Variants in SHISA9 observed in about 807,000 individuals in gnomAD.
The protein encoded by SHISA9 is protein shisa-9.
A neutral mutation model predicts 38.0 loss-of-function variants in SHISA9; 13 were observed. The observed-to-expected ratio is 0.34, with a 90% confidence interval of 0.22 to 0.54. The LOEUF is 0.54. SHISA9 is among the 20% of genes least tolerant of loss of function. The pLI, the probability that SHISA9 is intolerant of heterozygous loss-of-function variation, is 0.91. For missense variants in SHISA9, 538 were observed against 575.8 expected (o/e 0.93, Z 0.67); for synonymous variants, 275 against 242.0 (o/e 1.14, Z -1.27).
At chr16:13,415,398 C>T in the SHISA9 span, among the ~76,000 whole-genome samples, 1 of 152,026 alleles carries the variant, frequency 6.6e-6, no homozygotes, top group Non-Finnish European at 1.5e-5. Flanking sequence ...AACACATGGA[C>T]ACATGGAGGG....
chr16:13,403,484 G>A, the SHISA9 span, among the ~76,000 whole-genome samples: 1 of 152,194 alleles, frequency 6.6e-6, no homozygotes, highest in East Asian at 1.9e-4. Context: ...GCTATCCCCT[G>A]CAGAATGCAC....
the SHISA9 span, among the ~76,000 whole-genome samples, chr16:13,553,223 C>T: frequency 2.0e-5 from 3 of 152,152 alleles, no homozygotes; most frequent in Non-Finnish European, 4.4e-5. Context: ...GAAAGTAGGA[C>T]TATTCATTTC....
Position 13,112,456 on chromosome 16 carries a change from C to A in SHISA9, c.692-90938C>A, listed in dbSNP as rs111420964. Reference sequence around the variant, plus strand: ...GTTGGAGTATATTGGTTTTATGGAGCTTTACCAAGGTTTTATGCCTTGGAA... The same window carrying A: ...GTTGGAGTATATTGGTTTTATGGAGATTTACCAAGGTTTTATGCCTTGGAA... On this transcript the variant is annotated intron_variant, in intron 2 of 4. Transcript: ENST00000558583. Among the ~76,000 whole-genome samples the A allele has an allele frequency of 7.5e-3, 980 of 130,296 alleles. 6 individuals are homozygous for A. The highest frequency in any genetic ancestry group is 0.013 in the Admixed American group (145 of 11,228). The allele number at this position is 130,296 out of a possible 152,430, so 85.5% of individuals were successfully genotyped here.
At chr16:13,370,605 C>T in the SHISA9 span, among the ~76,000 whole-genome samples, 2 of 152,154 alleles carry the variant, frequency 1.3e-5, no homozygotes, top group African/African-American at 4.8e-5. Flanking sequence ...GAAATGAGAG[C>T]TTTCCAAACA....
chr16:13,391,001 GA>G, the SHISA9 span, among the ~76,000 whole-genome samples: 1 of 152,128 alleles, frequency 6.6e-6, no homozygotes, highest in Non-Finnish European at 1.5e-5. Context: ...ATATTGAGGA[GA>G]AAAGAGTAAA....
the SHISA9 span, among the ~76,000 whole-genome samples, chr16:13,262,908 C>T: frequency 6.6e-6 from 1 of 152,120 alleles, no homozygotes; most frequent in Non-Finnish European, 1.5e-5. Context: ...CTACTCTCTT[C>T]CTTCTAAATC....
chr16:13,533,572 C>A, the SHISA9 span, among the ~76,000 whole-genome samples: 1 of 152,030 alleles, frequency 6.6e-6, no homozygotes. Context: ...CCCCCACCAC[C>A]AAATACACAA....
At chr16:13,152,426 A>T (rs975627854) in intron 2 of SHISA9, among the ~76,000 whole-genome samples, 1 of 152,218 alleles carries the variant, frequency 6.6e-6, no homozygotes, top group African/African-American at 2.4e-5. Context: ...AAACAAATAC[A>T]TGATCTATTG....
chr16:13,448,777 T>C, the SHISA9 span, among the ~76,000 whole-genome samples: 203 of 152,382 alleles, frequency 1.3e-3, no homozygotes, highest in Non-Finnish European at 2.2e-3. Flanking sequence ...TTCTAAACTT[T>C]CCTGGATAGT....
intron 4 of SHISA9, among the ~76,000 whole-genome samples, chr16:13,215,747 C>T (rs1427239563): frequency 6.6e-6 from 1 of 152,128 alleles, no homozygotes; most frequent in African/African-American, 2.4e-5. Context: ...AAAGTGGTCC[C>T]AGTGAGAACC....
In SHISA9 at chr16:13,093,093, C is replaced by T. The variant is rs1316847201; in HGVS notation, c.692-110301C>T. ...AAAGGAATATAGCTTTGAAGTTTCC[C>T]GGGGGCATAGAGTCCTGGGTTCTGT... On this transcript the variant is annotated intron_variant, in intron 2 of 4. Coordinates refer to ENST00000558583, the MANE Select transcript of SHISA9 (RefSeq NM_001145204.3). Among the ~76,000 whole-genome samples, 4 of 152,172 alleles carry T rather than the reference C, an allele frequency of 2.6e-5. No individual in the cohort carries two copies. In the East Asian group the frequency reaches 5.8e-4, roughly 22 times the overall value.
At chr16:13,529,865 G>A in the SHISA9 span, among the ~76,000 whole-genome samples, 1 of 152,190 alleles carries the variant, frequency 6.6e-6, no homozygotes, top group Non-Finnish European at 1.5e-5. Context: ...ACAGCTCCAG[G>A]TAACCTGATT....
intron 2 of SHISA9, among the ~76,000 whole-genome samples, chr16:13,109,889 C>G (rs566746533): frequency 2.0e-5 from 3 of 152,190 alleles, no homozygotes; most frequent in Non-Finnish European, 4.4e-5. Context: ...GGATAGACCA[C>G]TCCATTCACA....
the SHISA9 span, among the ~76,000 whole-genome samples, chr16:13,493,256 C>A: frequency 1.3e-5 from 2 of 152,054 alleles, no homozygotes; most frequent in African/African-American, 4.8e-5. Context: ...GCCCCCAATA[C>A]CATTCTTTTA....
chr16:12,969,350 T>TA (rs1159036203), intron 2 of SHISA9, among the ~76,000 whole-genome samples: 1 of 151,120 alleles, frequency 6.6e-6, no homozygotes, highest in African/African-American at 2.4e-5. Context: ...GGAGATGATT[T>TA]TTTTTTTTTT....
At position 13,014,649 on chromosome 16, in the gene SHISA9, C is replaced by A. The variant is rs145058404; in HGVS notation, c.691+97834C>A. The stretch of plus-strand genomic sequence containing the variant: ...TCTCGGGTTACTGCTTTGCACCAAC[C>A]TGAGATGTGGTGCTGTCTGTTACAG... On this transcript the variant is annotated intron_variant, in intron 2 of 4. Transcript: ENST00000558583. Among the ~76,000 whole-genome samples the A allele has an allele frequency of 4.4e-3, 671 of 152,298 alleles. 5 individuals are homozygous for A. Among genetic ancestry groups the A allele is most frequent in the African/African-American group, 0.016 (657 of 41,558 alleles).
intron 2 of SHISA9, among the ~76,000 whole-genome samples, chr16:13,059,053 C>T (rs1273430582): frequency 6.6e-6 from 1 of 151,584 alleles, no homozygotes; most frequent in African/African-American, 2.4e-5. Context: ...TATGTTAAAG[C>T]CTTGGCCCCC....
chr16:12,974,902 A>G (rs2072136159), intron 2 of SHISA9, among the ~76,000 whole-genome samples: 1 of 152,158 alleles, frequency 6.6e-6, no homozygotes, highest in African/African-American at 2.4e-5. Flanking sequence ...CATCTATCAC[A>G]TCCATATCTG....
At chr16:13,222,099 A>G (rs940380255) in intron 4 of SHISA9, among the ~76,000 whole-genome samples, 1 of 152,114 alleles carries the variant, frequency 6.6e-6, no homozygotes, top group African/African-American at 2.4e-5. Flanking sequence ...TCCCCATTAT[A>G]AAACCATCAG....
Sources: allele counts gnomAD v4.1 joint callset (sites outside exome capture counted in the v4.1 genomes callset), GRCh38; gene constraint gnomAD v4.1.1; transcripts MANE v1.5; gene names NCBI Gene and HGNC (gene_info 2026-07-23, HGNC 2026-07-21).